CSMD1: variants seen among roughly 807,000 people sequenced by gnomAD.
The protein encoded by CSMD1 is CUB and Sushi multiple domains 1, also known as CUB and sushi domain-containing protein 1.
A neutral mutation model predicts 417.5 loss-of-function variants in CSMD1; 213 were observed. The observed-to-expected ratio is 0.51, with a 90% CI of 0.46 to 0.57. The LOEUF is 0.57. CSMD1 is among the 20% of genes least tolerant of loss of function. CSMD1 has a pLI of 0.00. For missense variants in CSMD1, 6,923 were observed against 4,529.7 expected (o/e 1.53, Z -15.17); for synonymous variants, 2,862 against 1,736.8 (o/e 1.65, Z -16.11).
chr8:3,949,935 C>G (rs1173677706), intron 5 of CSMD1: 2 of 455,918 alleles, frequency 4.4e-6, no homozygotes, highest in African/African-American at 2.0e-5. Flanking sequence ...GACGTGAAAA[C>G]ACACATGGAG....
chr8:3,854,264 C>T (rs1030887596), intron 5 of CSMD1, among the ~76,000 whole-genome samples: 1 of 150,702 alleles, frequency 6.6e-6, no homozygotes, highest in African/African-American at 2.4e-5. Context: ...CATTTAACTC[C>T]AAAATATGAT....
chr8:3,705,967 G>A (rs967078971), intron 7 of CSMD1, among the ~76,000 whole-genome samples: 7 of 152,222 alleles, frequency 4.6e-5, no homozygotes, highest in Non-Finnish European at 1.0e-4. Flanking sequence ...TATCAAGAAC[G>A]TAAAGCACTT....
intron 5 of CSMD1, among the ~76,000 whole-genome samples, chr8:3,976,872 A>C (rs921228496): frequency 6.6e-6 from 1 of 152,188 alleles, no homozygotes; most frequent in African/African-American, 2.4e-5. Context: ...CAGCACTAGC[A>C]CTGAGATGTG....
chr8:3,188,989 A>C lies in CSMD1; in HGVS notation c.5421T>G (p.Thr1807=), dbSNP rs1238637796. 6.8e-6 allele frequency: 11 copies of C among 1,613,212 alleles called. No individual in the cohort carries two copies. Among genetic ancestry groups the C allele is most frequent in the Non-Finnish European group, 8.5e-6 (10 of 1,179,568 alleles). The part of the protein sequence containing the change: ...SCVVPCSGNF[T]QRRGTILSPG... ...GGGACAGGATTGTACCTCTTCGTTGAGTGAAATTGCCACTGCAGGGTACTA... is the reference window on the plus strand; with the variant it reads ...GGGACAGGATTGTACCTCTTCGTTGCGTGAAATTGCCACTGCAGGGTACTA... Residue 1807 remains threonine (T), a synonymous_variant, in exon 35 of 70, where the codon ACT becomes ACG. Transcript: ENST00000635120.
intron 5 of CSMD1, among the ~76,000 whole-genome samples, chr8:3,800,958 C>T (rs964538575): frequency 3.3e-5 from 5 of 151,908 alleles, no homozygotes; most frequent in Non-Finnish European, 7.4e-5. Context: ...TTCCTTTTAT[C>T]ACAACACAAA....
At chr8:3,131,764 G>A (rs1358020746) in intron 41 of CSMD1, among the ~76,000 whole-genome samples, 1 of 152,128 alleles carries the variant, frequency 6.6e-6, no homozygotes, top group Non-Finnish European at 1.5e-5. Context: ...GAGCCACTGT[G>A]CCCAGCCTGC....
intron 7 of CSMD1, among the ~76,000 whole-genome samples, chr8:3,685,275 T>C (rs117820382): frequency 0.015 from 2,228 of 152,254 alleles, 37 homozygotes; most frequent in Non-Finnish European, 0.019. Flanking sequence ...ATTGTACCCA[T>C]TACGTTGAGT....
At chr8:4,841,662 G>A (rs1230613229) in intron 1 of CSMD1, among the ~76,000 whole-genome samples, 1 of 152,072 alleles carries the variant, frequency 6.6e-6, no homozygotes, top group East Asian at 1.9e-4. Context: ...TGTAATCCCA[G>A]CCGTTTGGGA....
At chr8:3,619,498 G>C (rs1391580306) in intron 7 of CSMD1, among the ~76,000 whole-genome samples, 4 of 152,010 alleles carry the variant, frequency 2.6e-5, no homozygotes, top group South Asian at 2.1e-4. Context: ...AGACTTGCTA[G>C]ACAATGAATT....
intron 1 of CSMD1, among the ~76,000 whole-genome samples, chr8:4,768,303 A>G (rs889433367): frequency 6.6e-6 from 1 of 152,068 alleles, no homozygotes; most frequent in South Asian, 2.1e-4. Flanking sequence ...CACCACACTC[A>G]TTCGTATACT....
chr8:3,466,969 T>C (rs1328343387), intron 12 of CSMD1, among the ~76,000 whole-genome samples: 1 of 152,174 alleles, frequency 6.6e-6, no homozygotes, highest in African/African-American at 2.4e-5. Flanking sequence ...GCCTTTGGAC[T>C]ATTCTTTTGT....
chr8:3,779,141 G>T (rs1242860773), intron 5 of CSMD1, among the ~76,000 whole-genome samples: 1 of 137,362 alleles, frequency 7.3e-6, no homozygotes, highest in Non-Finnish European at 1.6e-5. Flanking sequence ...TTCACTATGC[G>T]TGCATACTTG....
rs2116849501 is a variant in CSMD1 at position 3,395,192 on chromosome 8, TA to T, written c.2593+1001del. 1.3e-5 allele frequency among the ~76,000 whole-genome samples: 2 copies of T among 152,300 alleles called. 1 individual carries two copies. Among genetic ancestry groups the T allele is most frequent in the East Asian group, 3.9e-4 (2 of 5,180 alleles). On this transcript the variant is annotated intron_variant, in intron 17 of 69. Transcript: ENST00000635120. ...GTAAAATCATACGTGTGGGTATATG[TA>T]AATTTTAAAAACATCTTTACAATAG...
At chr8:4,133,176 T>A (rs927591078) in intron 3 of CSMD1, among the ~76,000 whole-genome samples, 1 of 152,146 alleles carries the variant, frequency 6.6e-6, no homozygotes. Context: ...GGCCTTGTGA[T>A]CTGCCCACCT....
intron 1 of CSMD1, among the ~76,000 whole-genome samples, chr8:4,964,385 G>T (rs770307689): frequency 6.6e-6 from 1 of 151,034 alleles, no homozygotes; most frequent in Non-Finnish European, 1.5e-5. Context: ...CGGGTCTAGT[G>T]GCATGCACCT....
chr8:4,795,911 A>G (rs1044530122), intron 1 of CSMD1, among the ~76,000 whole-genome samples: 1 of 152,176 alleles, frequency 6.6e-6, no homozygotes, highest in Admixed American at 6.5e-5. Flanking sequence ...AAATATTGCC[A>G]CTAAGGGAAA....
intron 29 of CSMD1, 35 bp from the exon 30 acceptor site, chr8:3,214,726 A>C (rs1037703586): frequency 6.7e-7 from 1 of 1,495,044 alleles, no homozygotes. Context: ...GCATGAGAGC[A>C]GGGATCTTAT....
intron 7 of CSMD1, among the ~76,000 whole-genome samples, chr8:3,682,756 G>A (rs1347461586): frequency 6.6e-6 from 1 of 152,092 alleles, no homozygotes; most frequent in African/African-American, 2.4e-5. Context: ...TGTTTATTGC[G>A]GCACTATTCA....
chr8:3,090,690 A>C (rs1389196156), intron 48 of CSMD1, among the ~76,000 whole-genome samples: 2 of 152,200 alleles, frequency 1.3e-5, no homozygotes, highest in Non-Finnish European at 2.9e-5. Flanking sequence ...CTTCCCATAC[A>C]CAATGAGCAT....
Sources: allele counts gnomAD v4.1 joint callset (sites outside exome capture counted in the v4.1 genomes callset), GRCh38; gene constraint gnomAD v4.1.1; transcripts MANE v1.5; gene names NCBI Gene and HGNC (gene_info 2026-07-23, HGNC 2026-07-21).